The following RAI1 variants were observed in gnomAD, a reference collection of about 807,000 sequenced individuals.
RAI1 encodes retinoic acid-induced protein 1.
In RAI1, 9 loss-of-function variants were observed where a neutral mutation model predicts 123.8. The observed-to-expected ratio is 0.07, with a 90% CI of 0.04 to 0.13. The LOEUF (loss-of-function observed/expected upper bound fraction) is 0.13, where lower values mean the gene tolerates loss of function less well. Ranked by LOEUF, RAI1 falls within the 10% of genes least tolerant of loss-of-function variation. The probability of loss-of-function intolerance (pLI) is 1.00; values close to 1 mark genes in which losing one functional copy is unlikely to be tolerated. For synonymous variants in RAI1, 1,231 were observed against 1,127.3 expected (o/e 1.09, Z -1.84); for missense variants, 2,256 against 2,545.8 (o/e 0.89, Z 2.45).
At chr17:17,737,475 G>A (rs1405843184) in intron 2 of RAI1, among the ~76,000 whole-genome samples, 1 of 152,174 alleles carries the variant, frequency 6.6e-6, no homozygotes, top group Non-Finnish European at 1.5e-5. Flanking sequence ...GGCCAGAGCT[G>A]CCCAGTCTTA....
At position 17,798,447 on chromosome 17, in the gene RAI1, C is replaced by T. The variant is rs149785442; in HGVS notation, c.5499C>T (p.Gly1833=). 19 of 1,608,596 alleles carry T rather than the reference C, an allele frequency of 1.2e-5. No individual in the cohort carries two copies. Among genetic ancestry groups the T allele is most frequent in the African/African-American group, 5.3e-5 (4 of 74,938 alleles). ...ATGAGGCCTGTGCCGTGTGGACCGG[C>T]GGCGTCTACCTGGTGGCCGGGAAGC... ...WVHEACAVWT[G]GVYLVAGKLF... Residue 1833 remains glycine, a synonymous_variant, in exon 3 of 6, where the codon GGC becomes GGT. Coordinates refer to ENST00000353383, the MANE Select transcript of RAI1 (RefSeq NM_030665.4).
intron 2 of RAI1, among the ~76,000 whole-genome samples, chr17:17,728,489 A>AG (rs1916164928): frequency 6.6e-6 from 1 of 152,220 alleles, no homozygotes; most frequent in Non-Finnish European, 1.5e-5. Context: ...AAAATGGGGT[A>AG]GGGTCCAATG....
intron 2 of RAI1, among the ~76,000 whole-genome samples, chr17:17,784,095 C>T (rs1016171119): frequency 1.3e-5 from 2 of 152,146 alleles, no homozygotes; most frequent in East Asian, 3.9e-4. Flanking sequence ...AAAAGCGTTT[C>T]TTTAAACGCC....
Position 17,794,289 on chromosome 17 carries a change from C to T in RAI1, c.1341C>T (p.Asn447=). 6.2e-7 allele frequency: 1 copy of T among 1,613,280 alleles called. No homozygotes were observed. Among genetic ancestry groups the T allele is most frequent in the Non-Finnish European group, 8.5e-7 (1 of 1,180,038 alleles). ...ALTSQVENIS[N]TVQQLLLSKA... is the part of the protein sequence containing the mutation. ...CCTCACAGGTGGAGAACATCTCCAACACCGTCCAGCAGCTGCTGCTCTCCA... is the reference window on the plus strand; with the variant it reads ...CCTCACAGGTGGAGAACATCTCCAATACCGTCCAGCAGCTGCTGCTCTCCA... Residue 447 remains asparagine (N), a synonymous_variant, in exon 3 of 6, where the codon AAC becomes AAT. Coordinates refer to ENST00000353383, the MANE Select transcript of RAI1 (RefSeq NM_030665.4).
intron 4 of RAI1, among the ~76,000 whole-genome samples, chr17:17,806,281 C>T (rs1431540968): frequency 1.3e-5 from 2 of 152,224 alleles, no homozygotes; most frequent in African/African-American, 4.8e-5. Flanking sequence ...GTATACTAGG[C>T]TTTGAGCAAG....
chr17:17,703,512 C>T (rs553211099), intron 1 of RAI1, among the ~76,000 whole-genome samples: 3 of 152,248 alleles, frequency 2.0e-5, no homozygotes, highest in East Asian at 3.9e-4. Context: ...CCACCTGTGG[C>T]TCTGGAAAGG....
At chr17:17,763,219 C>T (rs1184161225) in intron 2 of RAI1, among the ~76,000 whole-genome samples, 3 of 152,222 alleles carry the variant, frequency 2.0e-5, no homozygotes, top group African/African-American at 7.2e-5. Flanking sequence ...AGACACGCCG[C>T]ATTTTCAGAG....
At chr17:17,729,477 AGAG>A (rs891619603) in intron 2 of RAI1, among the ~76,000 whole-genome samples, 8 of 152,268 alleles carry the variant, frequency 5.3e-5, no homozygotes, top group East Asian at 1.9e-4. Flanking sequence ...AGCTTCTCCG[AGAG>A]GAGGAGACCC....
In RAI1 at chr17:17,801,981, A is replaced by C; in HGVS notation, c.5566-1775A>C. 3 of 453,016 alleles carry C rather than the reference A, an allele frequency of 6.6e-6. No individual in the cohort carries two copies. Among genetic ancestry groups the C allele is most frequent in the Non-Finnish European group, 9.0e-6 (2 of 221,042 alleles). The allele number at this position is 453,016 out of a possible 1,614,324, so 28.1% of individuals were successfully genotyped here. ...TTGTCGTTTGTTTCACTGGCTTCGC[A>C]CTTGGGCAGAGGCCGCCGCCCTCTC... On this transcript the variant is annotated intron_variant, in intron 3 of 5. Coordinates refer to ENST00000353383, the MANE Select transcript of RAI1 (RefSeq NM_030665.4). This position sits in a 1 kb window ranked among gnomAD's most constrained non-coding sequence, Gnocchi z 4.1.
At chr17:17,798,578 G>C in intron 3 of RAI1, 65 bp downstream of exon 3, 2 of 1,583,954 alleles carry the variant, frequency 1.3e-6, no homozygotes, top group Non-Finnish European at 1.7e-6. Flanking sequence ...GCAGGCAGTC[G>C]GGGAGCCCCT....
Position 17,793,844 on chromosome 17 carries a change from C to T in RAI1, c.896C>T (p.Ala299Val). ...QQQALQSRHH[A>V]QETLHYQNLA... is the part of the protein sequence containing the mutation. ...CAAGCCCTTCAGAGCCGGCACCATG[C>T]CCAGGAAACCCTCCATTACCAAAAC... is the stretch of plus-strand genomic sequence containing the variant. Residue 299 changes from alanine to valine, a missense_variant, in exon 3 of 6, where the codon GCC becomes GTC. By Grantham distance (64) the Ala-to-Val change is moderately conservative. Coordinates refer to ENST00000353383, the MANE Select transcript of RAI1 (RefSeq NM_030665.4). 2 of 1,613,214 alleles carry T rather than the reference C, an allele frequency of 1.2e-6. No individual in the cohort carries two copies. The highest frequency in any genetic ancestry group is 1.7e-6 in the Non-Finnish European group (2 of 1,179,996).
intron 1 of RAI1, among the ~76,000 whole-genome samples, chr17:17,716,745 G>A (rs1168615937): frequency 7.2e-5 from 11 of 152,090 alleles, no homozygotes; most frequent in Admixed American, 2.0e-4. Context: ...ACATATGCTG[G>A]CCCAGGGCAG....
rs770191414 is a variant in RAI1 at position 17,795,165 on chromosome 17, C to T, written c.2217C>T (p.Asp739=). Residue 739 remains aspartate, a synonymous_variant, in exon 3 of 6, where the codon GAC becomes GAT. Coordinates refer to ENST00000353383, the MANE Select transcript of RAI1 (RefSeq NM_030665.4). This position sits in a 1 kb window ranked among gnomAD's most constrained non-coding sequence, Gnocchi z 5.9. ...ACACAACCGCTGCCAGCTCAGCGGA[C>T]AGCGCCAACCCCTTTGCCTGGCCAG... ...FPDTTAASSA[D]SANPFAWPEE... 1 of 1,614,046 alleles carries T rather than the reference C, an allele frequency of 6.2e-7. No individual in the cohort carries two copies. Among genetic ancestry groups the T allele is most frequent in the East Asian group, 2.2e-5 (1 of 44,882 alleles).
At chr17:17,748,296 C>G (rs1457199814) in intron 2 of RAI1, among the ~76,000 whole-genome samples, 1 of 152,130 alleles carries the variant, frequency 6.6e-6, no homozygotes, top group Non-Finnish European at 1.5e-5. Flanking sequence ...CAGGGGCCAT[C>G]CAGGGAGCTG....
Position 17,793,908 on chromosome 17 carries a change from C to G in RAI1, c.960C>G (p.Gly320=). The change falls in exon 3 of 6, where the codon GGC becomes GGG. Residue 320 remains glycine (G), a synonymous_variant. Transcript: ENST00000353383. ...AGCACTACGGGCAGCAAGGCCAGGG[C>G]TACTGCCAGCCGGACGCAGCCGTCC... is the stretch of plus-strand genomic sequence containing the variant. ...KYQHYGQQGQ[G]YCQPDAAVRT... is the part of the protein sequence containing the mutation. 2.5e-6 allele frequency: 4 copies of G among 1,613,902 alleles called. No individual in the cohort carries two copies. Among genetic ancestry groups the G allele is most frequent in the Non-Finnish European group, 3.4e-6 (4 of 1,180,042 alleles).
intron 2 of RAI1, among the ~76,000 whole-genome samples, chr17:17,743,150 C>T (rs552855830): frequency 1.3e-5 from 2 of 152,246 alleles, no homozygotes; most frequent in South Asian, 4.1e-4. Context: ...CCAACATACC[C>T]GGCTAATTTT....
At chr17:17,745,498 C>T (rs1452697223) in intron 2 of RAI1, among the ~76,000 whole-genome samples, 2 of 151,742 alleles carry the variant, frequency 1.3e-5, no homozygotes, top group Non-Finnish European at 2.9e-5. Flanking sequence ...GGCACGATCT[C>T]GGCTCACCGC....
chr17:17,690,362 C>T (rs975225472), intron 1 of RAI1, among the ~76,000 whole-genome samples: 2 of 150,718 alleles, frequency 1.3e-5, no homozygotes, highest in Admixed American at 6.6e-5. Flanking sequence ...TGTACTCCAG[C>T]CTGGGTGACA....
rs1019001556 is a variant in RAI1 at position 17,682,905 on chromosome 17, C to T, written c.-149+1112C>T. On this transcript the variant is annotated intron_variant, in intron 1 of 5. Coordinates refer to ENST00000353383, the MANE Select transcript of RAI1 (RefSeq NM_030665.4). ...GATGGGAGCGAGTGTAACAATGCGC[C>T]GGTGGGGGCTGGGGGAGGGGAGGCC... Among the ~76,000 whole-genome samples, 6 of 151,502 alleles carry T rather than the reference C, an allele frequency of 4.0e-5. No individual in the cohort carries two copies. In the East Asian group the frequency reaches 1.2e-3, roughly 30 times the overall value.
Sources: allele counts gnomAD v4.1 joint callset (sites outside exome capture counted in the v4.1 genomes callset), GRCh38; gene constraint gnomAD v4.1.1; non-coding constraint Gnocchi (gnomAD v3.1); transcripts MANE v1.5; gene names NCBI Gene and HGNC (gene_info 2026-07-23, HGNC 2026-07-21).